Variants in KCND2 observed in about 807,000 individuals in gnomAD.
KCND2 encodes the protein potassium voltage-gated channel subfamily D member 2, also known as A-type voltage-gated potassium channel KCND2.
KCND2 carries 16 observed loss-of-function variants against 54.4 expected under a neutral mutation model. That is an observed-to-expected ratio of 0.29 (90% CI 0.20 to 0.45). The LOEUF (loss-of-function observed/expected upper bound fraction) is 0.45. Ranked by LOEUF, KCND2 falls within the 20% of genes least tolerant of loss-of-function variation. The probability of loss-of-function intolerance (pLI) is 1.00; values close to 1 mark genes in which losing one functional copy is unlikely to be tolerated. For missense variants in KCND2, 486 were observed against 824.2 expected, an observed-to-expected ratio of 0.59 and a Z score of 5.02; for synonymous variants, 317 against 310.7, an observed-to-expected ratio of 1.02 and a Z score of -0.21.
chr7:120,343,151 C>T (rs2116369125), intron 1 of KCND2, among the ~76,000 whole-genome samples: 1 of 152,136 alleles, frequency 6.6e-6, no homozygotes, highest in Middle Eastern at 3.4e-3. Context: ...TGTTTTTGGC[C>T]ACATGTTGAT....
chr7:120,553,289 T>A (rs1156542031), intron 1 of KCND2, among the ~76,000 whole-genome samples: 1 of 152,228 alleles, frequency 6.6e-6, no homozygotes, highest in Non-Finnish European at 1.5e-5. Context: ...TCTAGCATAA[T>A]GTTTCCTAGG....
intron 1 of KCND2, among the ~76,000 whole-genome samples, chr7:120,624,039 G>A (rs542679533): frequency 6.6e-6 from 1 of 152,294 alleles, no homozygotes; most frequent in Non-Finnish European, 1.5e-5. Flanking sequence ...AGTCTGTGAA[G>A]TAACCGTTTT....
chr7:120,508,881 G>A (rs978634150), intron 1 of KCND2, among the ~76,000 whole-genome samples: 1 of 137,426 alleles, frequency 7.3e-6, no homozygotes, highest in African/African-American at 3.2e-5. Flanking sequence ...ATTGGAAGTT[G>A]CCTTTCACGA....
chr7:120,457,967 G>A (rs773721049), intron 1 of KCND2, among the ~76,000 whole-genome samples: 1 of 152,144 alleles, frequency 6.6e-6, no homozygotes, highest in Non-Finnish European at 1.5e-5. Context: ...AATCATAGAA[G>A]AAGGGGAAGC....
At chr7:120,677,574 TATATAG>T (rs1562906516) in intron 1 of KCND2, among the ~76,000 whole-genome samples, 41 of 148,772 alleles carry the variant, frequency 2.8e-4, no homozygotes, top group African/African-American at 8.6e-4. Context: ...GATATATAGA[TATATAG>T]ATATATAAAA....
intron 1 of KCND2, among the ~76,000 whole-genome samples, chr7:120,714,034 C>A (rs1359971135): frequency 1.3e-5 from 2 of 152,054 alleles, no homozygotes; most frequent in Non-Finnish European, 2.9e-5. Context: ...CTGGAGGATA[C>A]CATATCTTTT....
At chr7:120,722,403 A>G (rs558086303) in intron 1 of KCND2, among the ~76,000 whole-genome samples, 1 of 152,162 alleles carries the variant, frequency 6.6e-6, no homozygotes, top group Non-Finnish European at 1.5e-5. Flanking sequence ...GAGGGATACA[A>G]CTTGTACTCA....
At chr7:120,629,105 A>G (rs1452562679) in intron 1 of KCND2, among the ~76,000 whole-genome samples, 1 of 152,244 alleles carries the variant, frequency 6.6e-6, no homozygotes, top group Non-Finnish European at 1.5e-5. Context: ...AGAAAGAACC[A>G]TGCACAAAAC....
intron 1 of KCND2, among the ~76,000 whole-genome samples, chr7:120,400,054 A>G (rs1252057004): frequency 6.6e-6 from 1 of 152,180 alleles, no homozygotes; most frequent in Non-Finnish European, 1.5e-5. Flanking sequence ...TTAAAATTTC[A>G]GTGACATTGT....
At chr7:120,449,056 G>A (rs1354434964) in intron 1 of KCND2, among the ~76,000 whole-genome samples, 4 of 152,012 alleles carry the variant, frequency 2.6e-5, no homozygotes, top group South Asian at 2.1e-4. Context: ...TCAGCCAGGC[G>A]CGGTGGCTCA....
At chr7:120,675,793 A>T (rs572443857) in intron 1 of KCND2, among the ~76,000 whole-genome samples, 38 of 152,004 alleles carry the variant, frequency 2.5e-4, no homozygotes, top group African/African-American at 8.4e-4. Flanking sequence ...TGAGTGATAA[A>T]GCTGTTGTCC....
At chr7:120,535,085 A>G (rs1009236620) in intron 1 of KCND2, among the ~76,000 whole-genome samples, 1 of 152,154 alleles carries the variant, frequency 6.6e-6, no homozygotes, top group Non-Finnish European at 1.5e-5. Flanking sequence ...GAATCTCAAT[A>G]AAACCTTGCT....
intron 1 of KCND2, among the ~76,000 whole-genome samples, chr7:120,597,759 C>T (rs10230753): frequency 0.93 from 140,922 of 152,146 alleles, 65,846 homozygotes; most frequent in Middle Eastern, 0.99. Flanking sequence ...CCACTATTCT[C>T]TTTGTTTTAA....
At chr7:120,629,755 A>T (rs902803785) in intron 1 of KCND2, among the ~76,000 whole-genome samples, 10 of 152,120 alleles carry the variant, frequency 6.6e-5, no homozygotes, top group African/African-American at 2.4e-4. Flanking sequence ...TTCTGGATAT[A>T]TTTGGAGGCT....
At chr7:120,276,651 C>A (rs1378578666) in intron 1 of KCND2, among the ~76,000 whole-genome samples, 2 of 151,916 alleles carry the variant, frequency 1.3e-5, no homozygotes, top group East Asian at 1.9e-4. Context: ...AGTTCTGCAA[C>A]CAAAGGGACA....
At chr7:120,512,434 T>C (rs1010784743) in intron 1 of KCND2, among the ~76,000 whole-genome samples, 1 of 151,980 alleles carries the variant, frequency 6.6e-6, no homozygotes, top group Non-Finnish European at 1.5e-5. Flanking sequence ...AAAAAAGTCA[T>C]TGAAGCTATT....
At chr7:120,372,512 G>T (rs1800779104) in intron 1 of KCND2, among the ~76,000 whole-genome samples, 1 of 151,774 alleles carries the variant, frequency 6.6e-6, no homozygotes, top group African/African-American at 2.4e-5. Flanking sequence ...AAAAACTCAA[G>T]TTTTGTTTTG....
At chr7:120,546,290 T>A (rs1792041910) in intron 1 of KCND2, among the ~76,000 whole-genome samples, 1 of 151,890 alleles carries the variant, frequency 6.6e-6, no homozygotes, top group African/African-American at 2.4e-5. Context: ...AGTGGCAACG[T>A]GGAGATAATT....
intron 1 of KCND2, among the ~76,000 whole-genome samples, chr7:120,634,846 AC>A (rs1793284367): frequency 6.6e-6 from 1 of 152,084 alleles, no homozygotes; most frequent in South Asian, 2.1e-4. Context: ...TCTTCCCCTC[AC>A]CTCACAGGCC....
Sources: allele counts gnomAD v4.1 joint callset (sites outside exome capture counted in the v4.1 genomes callset), GRCh38; gene constraint gnomAD v4.1.1; transcripts MANE v1.5; gene names NCBI Gene and HGNC (gene_info 2026-07-23, HGNC 2026-07-21).